Variants in MOB1A observed in about 807,000 individuals in gnomAD.
The protein encoded by MOB1A is MOB kinase activator 1A, also known as MOB1 Mps One Binder homolog A.
In MOB1A, 10 loss-of-function variants were observed where a neutral mutation model predicts 25.1. The observed-to-expected ratio is 0.40, with a 90% CI of 0.25 to 0.68. MOB1A has a LOEUF of 0.68. Ranked by LOEUF, MOB1A falls within the 30% of genes least tolerant of loss-of-function variation. The pLI is 0.40. For synonymous variants in MOB1A, 81 were observed against 79.5 expected, an observed-to-expected ratio of 1.02 and a Z score of -0.10; for missense variants, 177 against 256.3, an observed-to-expected ratio of 0.69 and a Z score of 2.11.
chr2:74,159,620 A>G (rs1692902467), intron 4 of MOB1A, among the ~76,000 whole-genome samples: 2 of 152,252 alleles, frequency 1.3e-5, no homozygotes, highest in South Asian at 4.1e-4. Context: ...CCTGCAACAT[A>G]TAAACACACA....
chr2:74,163,761 C>T (rs1261282586), intron 4 of MOB1A, among the ~76,000 whole-genome samples: 1 of 152,206 alleles, frequency 6.6e-6, no homozygotes, highest in Admixed American at 6.5e-5. Context: ...GAAACTTGAA[C>T]AACTGACATA....
At chr2:74,177,339 C>A (rs1693504549) in intron 1 of MOB1A, among the ~76,000 whole-genome samples, 2 of 151,648 alleles carry the variant, frequency 1.3e-5, no homozygotes, top group Non-Finnish European at 2.9e-5. Context: ...GAGGACAGAG[C>A]GAAACTCCGT....
intron 4 of MOB1A, 141 bp from the exon 5 acceptor site, chr2:74,159,395 G>A (rs1208404162): frequency 1.4e-6 from 1 of 705,864 alleles, no homozygotes; most frequent in Non-Finnish European, 2.4e-6. Flanking sequence ...GGGCTCAACT[G>A]ATCCTCCCAC....
At position 74,156,190 on chromosome 2, in the gene MOB1A, T is replaced by C. The variant is rs1387731655; in HGVS notation, c.*378A>G. The stretch of plus-strand genomic sequence containing the variant: ...CTTATTCATAAATTATTGATGGAAA[T>C]TCTTAATGTCCATTGTGCTGTCACC... On this transcript the variant is annotated 3_prime_UTR_variant, in exon 6 of 6. Coordinates refer to ENST00000396049, the MANE Select transcript of MOB1A (RefSeq NM_018221.5). 1 of 158,254 alleles carries C rather than the reference T, an allele frequency of 6.3e-6. No homozygotes were observed. Among genetic ancestry groups the C allele is most frequent in the Non-Finnish European group, 1.4e-5 (1 of 71,906 alleles). 9.8% of individuals were successfully genotyped at this position (158,254 alleles called of 1,614,324 possible).
In MOB1A at chr2:74,154,574, A is replaced by G. The variant is rs74465879; in HGVS notation, c.*1994T>C. 3.6e-3 allele frequency: 546 copies of G among 150,384 alleles called. 3 individuals carry two copies. The highest frequency in any genetic ancestry group is 0.012 in the African/African-American group (511 of 41,430). The allele number at this position is 150,384 out of a possible 1,614,324, so 9.3% of individuals were successfully genotyped here. A position where few individuals can be genotyped will look rare whatever the true frequency, so the allele number is the denominator to read the frequency against. On this transcript the variant is annotated 3_prime_UTR_variant, in exon 6 of 6. Transcript: ENST00000396049. ...TTTCCATAACTGAAAATAAATGGAG[A>G]AAAGTGGTAACTCTTTTGTTTGAGA...
intron 5 of MOB1A, among the ~76,000 whole-genome samples, chr2:74,158,671 C>T (rs766046836): frequency 4.7e-5 from 7 of 149,922 alleles, no homozygotes; most frequent in Non-Finnish European, 8.9e-5. Context: ...CACAGCTATT[C>T]GGGAGGCCGA....
intron 2 of MOB1A, among the ~76,000 whole-genome samples, chr2:74,168,105 C>T (rs1313362804): frequency 1.3e-5 from 2 of 152,198 alleles, no homozygotes; most frequent in South Asian, 4.1e-4. Context: ...TGCTACTGCA[C>T]TCCAGCCTGG....
chr2:74,169,662 T>G (rs766991138), intron 2 of MOB1A, among the ~76,000 whole-genome samples: 3 of 152,018 alleles, frequency 2.0e-5, no homozygotes, highest in Non-Finnish European at 4.4e-5. Context: ...TGGGTCTCAC[T>G]CTGTTGCCCA....
At chr2:74,162,740 T>C (rs901153040) in intron 4 of MOB1A, among the ~76,000 whole-genome samples, 3 of 152,156 alleles carry the variant, frequency 2.0e-5, no homozygotes, top group Admixed American at 6.5e-5. Flanking sequence ...ACTGTTGTCC[T>C]GAAAAGCCTC....
At chr2:74,164,531 A>AC (rs1558833919) in intron 4 of MOB1A, 1 of 144,500 alleles carries the variant, frequency 6.9e-6, no homozygotes, top group African/African-American at 2.9e-5. Flanking sequence ...AAATAAAAAA[A>AC]TAAAAAAAGA....
chr2:74,173,289 A>G, intron 1 of MOB1A: 3 of 479,820 alleles, frequency 6.3e-6, no homozygotes. Flanking sequence ...GAAGTCTGGT[A>G]CAGAGAAACA....
chr2:74,158,539 C>T (rs1692867564), intron 5 of MOB1A, among the ~76,000 whole-genome samples: 1 of 151,988 alleles, frequency 6.6e-6, no homozygotes, highest in South Asian at 2.1e-4. Context: ...CCTGTAATTC[C>T]AGCACTTTGG....
chr2:74,172,509 G>T, intron 2 of MOB1A, 77 bp downstream of exon 2: 2 of 1,396,490 alleles, frequency 1.4e-6, no homozygotes, highest in Non-Finnish European at 9.8e-7. Flanking sequence ...AGTTCTAACT[G>T]TAAAAGAAAA....
rs927509493 is a variant in MOB1A at position 74,165,439 on chromosome 2, G to A, written c.276-88C>T. The A allele has an allele frequency of 2.6e-5, 19 of 739,290 alleles. No individual in the cohort carries two copies. The African/African-American group carries it at 2.9e-4, about 11-fold the overall frequency. 45.8% of individuals were successfully genotyped at this position (739,290 alleles called of 1,614,324 possible). On this transcript the variant is annotated intron_variant, in intron 3 of 5. Transcript: ENST00000396049. ...ATTAAAACAGGTTCATTCACATTTT[G>A]TCAATAGAAGTTACATCTAACTTTA...
At position 74,155,270 on chromosome 2, in the gene MOB1A, G is replaced by A. The variant is rs1387266692; in HGVS notation, c.*1298C>T. ...AATAAATGTTTTCTTCACTGAAGGG[G>A]AAGGCTTTTATATCCCAATAGAAAT... On this transcript the variant is annotated 3_prime_UTR_variant, in exon 6 of 6. Coordinates refer to ENST00000396049, the MANE Select transcript of MOB1A (RefSeq NM_018221.5). The A allele has an allele frequency of 6.6e-6, 1 of 152,620 alleles. No homozygotes were observed. The highest frequency in any genetic ancestry group is 2.4e-5 in the African/African-American group (1 of 41,466). The allele number at this position is 152,620 out of a possible 1,614,324, so 9.5% of individuals were successfully genotyped here. A position where few individuals can be genotyped will look rare whatever the true frequency, so the allele number is the denominator to read the frequency against.
intron 1 of MOB1A, among the ~76,000 whole-genome samples, chr2:74,173,809 C>T (rs1207056981): frequency 3.3e-5 from 5 of 150,214 alleles, no homozygotes; most frequent in African/African-American, 1.2e-4. Flanking sequence ...ATTAGCCGGG[C>T]GTGGTGGAGG....
chr2:74,172,797 G>A (rs1693332117), intron 1 of MOB1A, 45 bp from the exon 2 acceptor site: 1 of 1,532,126 alleles, frequency 6.5e-7, no homozygotes. Flanking sequence ...AAGACTGGAA[G>A]TAGAACAGGT....
At chr2:74,162,610 T>TGA (rs1693004778) in intron 4 of MOB1A, among the ~76,000 whole-genome samples, 1 of 152,184 alleles carries the variant, frequency 6.6e-6, no homozygotes, top group Non-Finnish European at 1.5e-5. Context: ...ATTTAACAGA[T>TGA]ATATTCAAGC....
At chr2:74,167,380 G>A (rs550729372) in intron 2 of MOB1A, among the ~76,000 whole-genome samples, 2 of 152,034 alleles carry the variant, frequency 1.3e-5, no homozygotes, top group African/African-American at 2.4e-5. Flanking sequence ...CAAGTAGTTC[G>A]GATTACAGGT....
Sources: allele counts gnomAD v4.1 joint callset (sites outside exome capture counted in the v4.1 genomes callset), GRCh38; gene constraint gnomAD v4.1.1; transcripts MANE v1.5; gene names NCBI Gene and HGNC (gene_info 2026-07-23, HGNC 2026-07-21).